AGFG1: variants seen among roughly 807,000 people sequenced by gnomAD.
AGFG1 encodes arf-GAP domain and FG repeat-containing protein 1.
AGFG1 carries 10 observed loss-of-function variants against 60.6 expected under a neutral mutation model. The ratio of observed to expected loss-of-function variants is 0.16; its 90% CI spans 0.10 to 0.28. AGFG1 has a LOEUF of 0.28. AGFG1 is among the 10% of genes least tolerant of loss of function. The pLI is 1.00. For synonymous variants in AGFG1, 247 were observed against 242.9 expected (o/e 1.02, Z -0.16); for missense variants, 537 against 676.5 (o/e 0.79, Z 2.29).
chr2:227,551,705 G>A (rs1227100816), intron 10 of AGFG1, among the ~76,000 whole-genome samples: 1 of 151,892 alleles, frequency 6.6e-6, no homozygotes, highest in Non-Finnish European at 1.5e-5. Flanking sequence ...AATTGTCTTG[G>A]GATTTCAAAC....
At chr2:227,492,877 A>G (rs997861291) in intron 2 of AGFG1, among the ~76,000 whole-genome samples, 1 of 152,056 alleles carries the variant, frequency 6.6e-6, no homozygotes, top group Admixed American at 6.6e-5. Context: ...TACAATTTGA[A>G]CTACTTGTGT....
chr2:227,489,277 A>G (rs926740964), intron 1 of AGFG1, among the ~76,000 whole-genome samples: 2 of 114,014 alleles, frequency 1.8e-5, no homozygotes, highest in African/African-American at 7.1e-5. Context: ...GCTGCCCAGG[A>G]TGGAATGCAG....
chr2:227,493,153 A>G (rs982000625), intron 2 of AGFG1, among the ~76,000 whole-genome samples: 3 of 152,132 alleles, frequency 2.0e-5, no homozygotes, highest in Admixed American at 6.5e-5. Flanking sequence ...TTGAAGGAGT[A>G]TATATTTTTT....
chr2:227,498,943 A>T (rs1240307116), intron 2 of AGFG1, among the ~76,000 whole-genome samples: 1 of 152,230 alleles, frequency 6.6e-6, no homozygotes. Context: ...AATTAAAACA[A>T]TATAAATCAT....
At chr2:227,489,082 TG>T in intron 1 of AGFG1, among the ~76,000 whole-genome samples, 1 of 151,930 alleles carries the variant, frequency 6.6e-6, no homozygotes, top group Non-Finnish European at 1.5e-5. Context: ...CCCAAAGTAC[TG>T]GGATTACAGG....
intron 5 of AGFG1, among the ~76,000 whole-genome samples, chr2:227,528,530 A>G (rs1692063893): frequency 6.6e-6 from 1 of 152,222 alleles, no homozygotes; most frequent in Non-Finnish European, 1.5e-5. Flanking sequence ...TGGGAGAGCC[A>G]ATAAATAGAG....
chr2:227,507,076 A>G (rs4075127), intron 2 of AGFG1, among the ~76,000 whole-genome samples: 90,307 of 151,954 alleles, frequency 0.59, 26,987 homozygotes, highest in South Asian at 0.7. Context: ...CTAATTAGCA[A>G]TTGTAAAATG....
chr2:227,507,602 CAAAA>C (rs1162277041), intron 2 of AGFG1, among the ~76,000 whole-genome samples: 2 of 61,582 alleles, frequency 3.2e-5, no homozygotes, highest in South Asian at 7.2e-4. Context: ...GACTCTGTCT[CAAAA>C]AAAAAAAAAA....
chr2:227,555,848 C>T lies in AGFG1; in HGVS notation c.*1353C>T, dbSNP rs1692957587. ...ATGCCTCTGAGCAACCCATATAAGT[C>T]ACAAAGTCTGTGTGTTAGAGCTTAT... On this transcript the variant is annotated 3_prime_UTR_variant, in exon 13 of 13. Transcript: ENST00000310078. The T allele has an allele frequency of 6.6e-6, 1 of 152,000 alleles. No individual in the cohort carries two copies. The highest frequency in any genetic ancestry group is 1.5e-5 in the Non-Finnish European group (1 of 67,998). 9.4% of individuals were successfully genotyped at this position (152,000 alleles called of 1,614,324 possible). A position where few individuals can be genotyped will look rare whatever the true frequency, so the allele number is the denominator to read the frequency against.
At chr2:227,503,467 C>T (rs1241597705) in intron 2 of AGFG1, among the ~76,000 whole-genome samples, 1 of 152,156 alleles carries the variant, frequency 6.6e-6, no homozygotes, top group Non-Finnish European at 1.5e-5. Context: ...GCCTGTGGGC[C>T]AAATTTGGCC....
chr2:227,492,900 T>A (rs2106170860), intron 2 of AGFG1, among the ~76,000 whole-genome samples: 1 of 152,240 alleles, frequency 6.6e-6, no homozygotes. Context: ...AGTTTACAAG[T>A]AGGATTAACT....
chr2:227,499,083 A>T (rs774409487), intron 2 of AGFG1, among the ~76,000 whole-genome samples: 1 of 152,228 alleles, frequency 6.6e-6, no homozygotes, highest in Non-Finnish European at 1.5e-5. Flanking sequence ...AATGCGAGAC[A>T]TAAAATTTCA....
At chr2:227,508,758 G>A in intron 2 of AGFG1, 1 of 402,092 alleles carries the variant, frequency 2.5e-6, no homozygotes, top group Non-Finnish European at 4.8e-6. Flanking sequence ...AAAACTAGTT[G>A]GGAATAATTT....
At chr2:227,481,848 A>G (rs1690474089) in intron 1 of AGFG1, among the ~76,000 whole-genome samples, 2 of 147,440 alleles carry the variant, frequency 1.4e-5, no homozygotes, top group Non-Finnish European at 3.0e-5. Context: ...GAAGAGATTT[A>G]GATTTTGTCC....
intron 2 of AGFG1, among the ~76,000 whole-genome samples, chr2:227,519,039 T>A (rs905760227): frequency 1.3e-5 from 2 of 152,238 alleles, no homozygotes; most frequent in Middle Eastern, 3.4e-3. Context: ...CCACCTGTGG[T>A]GCTGCACTCC....
At chr2:227,481,568 C>G (rs901145524) in intron 1 of AGFG1, among the ~76,000 whole-genome samples, 1 of 152,200 alleles carries the variant, frequency 6.6e-6, no homozygotes, top group African/African-American at 2.4e-5. Context: ...CATAAAGTCA[C>G]TTACTGCTGG....
intron 1 of AGFG1, among the ~76,000 whole-genome samples, chr2:227,485,338 G>T (rs2106161531): frequency 6.8e-6 from 1 of 147,882 alleles, no homozygotes; most frequent in South Asian, 2.2e-4. Context: ...CCAGGTTCAA[G>T]TGATTCTCCT....
At chr2:227,485,362 G>C (rs569371742) in intron 1 of AGFG1, among the ~76,000 whole-genome samples, 15 of 147,724 alleles carry the variant, frequency 1.0e-4, no homozygotes, top group African/African-American at 3.5e-4. Flanking sequence ...TAAGCCTCCT[G>C]AGTAGCTAGG....
intron 5 of AGFG1, among the ~76,000 whole-genome samples, chr2:227,525,541 G>A (rs1384087400): frequency 6.6e-6 from 1 of 152,188 alleles, no homozygotes; most frequent in African/African-American, 2.4e-5. Flanking sequence ...TCCACAGACT[G>A]CAGTTGTGAG....
Sources: gnomAD v4.1 joint callset for allele counts (sites outside exome capture counted in the v4.1 genomes callset) on GRCh38, gnomAD v4.1.1 for gene constraint, MANE v1.5 for transcripts, NCBI Gene and HGNC (gene_info 2026-07-23, HGNC 2026-07-21) for gene names.